Variants in LRRC4C observed in about 807,000 individuals in gnomAD.
LRRC4C encodes leucine-rich repeat-containing protein 4C.
Under a neutral mutation model 33.6 loss-of-function variants are expected in LRRC4C, and 5 were observed. That is an observed-to-expected ratio of 0.15 (90% CI 0.08 to 0.31). The LOEUF (loss-of-function observed/expected upper bound fraction) is 0.31, where lower values mean the gene tolerates loss of function less well. LRRC4C is among the 10% of genes least tolerant of loss of function. The pLI is 1.00. For synonymous variants in LRRC4C, 329 were observed against 302.0 expected (o/e 1.09, Z -0.93); for missense variants, 560 against 796.7 (o/e 0.70, Z 3.58).
At chr11:40,481,683 C>T (rs1284843488) in intron 3 of LRRC4C, among the ~76,000 whole-genome samples, 1 of 151,952 alleles carries the variant, frequency 6.6e-6, no homozygotes, top group African/African-American at 2.4e-5. Flanking sequence ...GGGAATGTAT[C>T]CTCTATGATA....
chr11:40,835,198 CTTA>C lies in LRRC4C; in HGVS notation c.-407+98434_-407+98436del. ...GTGCTTCTCAAAGCAACAAGGCCAA[CTTA>C]TTTTCTCTATTTTTACAGACTGACG... On this transcript the variant is annotated intron_variant, in intron 2 of 6. Transcript: ENST00000528697. 2.0e-5 allele frequency among the ~76,000 whole-genome samples: 3 copies of C among 152,158 alleles called. No homozygotes were observed. In the Middle Eastern group the frequency reaches 0.01, roughly 518 times the overall value.
At chr11:40,179,006 CTTTCT>C (rs1189069512) in intron 5 of LRRC4C, among the ~76,000 whole-genome samples, 10 of 72,682 alleles carry the variant, frequency 1.4e-4, no homozygotes, top group African/African-American at 2.5e-4. Context: ...TCTTAACTTT[CTTTCT>C]TTTTTTTTTT....
rs531486515 is a variant in LRRC4C at position 41,138,509 on chromosome 11, A to ACT, written c.-495-204788_-495-204787dup. Among the ~76,000 whole-genome samples, 221 of 152,320 alleles carry ACT rather than the reference A, an allele frequency of 1.5e-3. 1 individual carries two copies. Among genetic ancestry groups the ACT allele is most frequent in the African/African-American group, 5.1e-3 (211 of 41,580 alleles). On this transcript the variant is annotated intron_variant, in intron 1 of 6. Transcript: ENST00000528697. ...AACTCATATCATAAAAGAATGGGAA[A>ACT]CTACATCATTTGGTATAAATATTGA... is the stretch of plus-strand genomic sequence containing the variant.
intron 1 of LRRC4C, among the ~76,000 whole-genome samples, chr11:41,001,608 T>C (rs546424853): frequency 1.1e-5 from 1 of 94,954 alleles, no homozygotes; most frequent in African/African-American, 4.0e-5. Context: ...GAACTCTACA[T>C]AATTAAAAAA....
At chr11:40,774,941 C>G (rs1949920579) in intron 2 of LRRC4C, among the ~76,000 whole-genome samples, 1 of 152,000 alleles carries the variant, frequency 6.6e-6, no homozygotes, top group Non-Finnish European at 1.5e-5. Context: ...GCATATTAAT[C>G]TCTGCTCTGT....
At chr11:40,129,766 C>T (rs1324462200) in intron 6 of LRRC4C, among the ~76,000 whole-genome samples, 3 of 152,130 alleles carry the variant, frequency 2.0e-5, no homozygotes, top group Admixed American at 6.5e-5. Context: ...TCTAATTCTA[C>T]TATCACAATC....
At chr11:40,965,756 G>C (rs565084105) in intron 1 of LRRC4C, among the ~76,000 whole-genome samples, 90 of 152,218 alleles carry the variant, frequency 5.9e-4, no homozygotes, top group African/African-American at 2.1e-3. Context: ...GGACCATGCT[G>C]TTTTGGTTAC....
intron 1 of LRRC4C, among the ~76,000 whole-genome samples, chr11:41,010,505 A>G (rs2137518988): frequency 6.6e-6 from 1 of 152,308 alleles, no homozygotes. Flanking sequence ...AATTTTGTGT[A>G]AATAGAGCAA....
At chr11:41,005,474 C>T (rs943221809) in intron 1 of LRRC4C, among the ~76,000 whole-genome samples, 6 of 152,184 alleles carry the variant, frequency 3.9e-5, no homozygotes, top group Admixed American at 3.3e-4. Context: ...CGTGGTGGCA[C>T]ATGCCTGTAA....
chr11:41,076,607 C>T (rs1939168913), intron 1 of LRRC4C, among the ~76,000 whole-genome samples: 2 of 152,096 alleles, frequency 1.3e-5, no homozygotes, highest in Non-Finnish European at 2.9e-5. Context: ...CCTACTGGGC[C>T]CCACCTTCAA....
chr11:41,096,151 A>C (rs1442545925), intron 1 of LRRC4C, among the ~76,000 whole-genome samples: 2 of 152,118 alleles, frequency 1.3e-5, no homozygotes, highest in Non-Finnish European at 2.9e-5. Flanking sequence ...CGACATTATA[A>C]TATATATAGG....
chr11:41,279,725 T>C (rs1949604385), intron 1 of LRRC4C, among the ~76,000 whole-genome samples: 2 of 152,160 alleles, frequency 1.3e-5, no homozygotes, highest in African/African-American at 4.8e-5. Context: ...TTTGACTCCA[T>C]GCATTGATGT....
intron 1 of LRRC4C, among the ~76,000 whole-genome samples, chr11:41,034,896 C>T (rs187652621): frequency 1.7e-3 from 259 of 149,878 alleles, no homozygotes; most frequent in Admixed American, 3.9e-3. Context: ...TTATTTTATA[C>T]TATATGTTTG....
At chr11:40,124,092 A>T (rs552688821) in intron 6 of LRRC4C, among the ~76,000 whole-genome samples, 1 of 152,258 alleles carries the variant, frequency 6.6e-6, no homozygotes, top group East Asian at 1.9e-4. Context: ...ATCAAAATGG[A>T]TTAAAGACTT....
intron 1 of LRRC4C, among the ~76,000 whole-genome samples, chr11:41,053,587 C>T (rs780555785): frequency 2.6e-5 from 4 of 152,022 alleles, no homozygotes; most frequent in Non-Finnish European, 5.9e-5. Context: ...GTTTAAACTG[C>T]TAATTTTTTG....
chr11:40,474,289 C>G (rs903368773), intron 3 of LRRC4C, among the ~76,000 whole-genome samples: 3 of 152,130 alleles, frequency 2.0e-5, no homozygotes, highest in Non-Finnish European at 2.9e-5. Context: ...ACATCTACAA[C>G]CATTGGATCT....
At chr11:41,189,861 C>T (rs563428194) in intron 1 of LRRC4C, among the ~76,000 whole-genome samples, 1 of 152,324 alleles carries the variant, frequency 6.6e-6, no homozygotes, top group Non-Finnish European at 1.5e-5. Context: ...TTGCACTGGT[C>T]TGCTGTCACA....
At chr11:40,825,845 C>T (rs1952138771) in intron 2 of LRRC4C, among the ~76,000 whole-genome samples, 1 of 148,500 alleles carries the variant, frequency 6.7e-6, no homozygotes, top group African/African-American at 2.5e-5. Context: ...GGAAAGAAGC[C>T]AGTTGTATAT....
intron 1 of LRRC4C, among the ~76,000 whole-genome samples, chr11:41,024,040 T>C (rs762467317): frequency 1.3e-5 from 2 of 151,598 alleles, no homozygotes; most frequent in Non-Finnish European, 3.0e-5. Flanking sequence ...TTCAGATCAA[T>C]TCTTTAATAA....
Sources: allele counts gnomAD v4.1 joint callset (sites outside exome capture counted in the v4.1 genomes callset), GRCh38; gene constraint gnomAD v4.1.1; transcripts MANE v1.5; gene names NCBI Gene and HGNC (gene_info 2026-07-23, HGNC 2026-07-21).